SHISA9: variants seen among roughly 807,000 people sequenced by gnomAD.
SHISA9 encodes protein shisa-9.
A neutral mutation model predicts 38.0 loss-of-function variants in SHISA9; 13 were observed. The observed-to-expected ratio is 0.34, with a 90% CI of 0.22 to 0.54. The LOEUF (loss-of-function observed/expected upper bound fraction) is 0.54. Ranked by LOEUF, SHISA9 falls within the 20% of genes least tolerant of loss-of-function variation. SHISA9 has a pLI of 0.91. For missense variants in SHISA9, 538 were observed against 575.8 expected (o/e 0.93, Z 0.67); for synonymous variants, 275 against 242.0 (o/e 1.14, Z -1.27).
At chr16:13,447,726 T>A in the SHISA9 span, among the ~76,000 whole-genome samples, 1 of 152,212 alleles carries the variant, frequency 6.6e-6, no homozygotes, top group Non-Finnish European at 1.5e-5. Flanking sequence ...TCGGAGACCA[T>A]CAACTCGCCA....
chr16:13,348,471 T>A, the SHISA9 span, among the ~76,000 whole-genome samples: 1 of 151,970 alleles, frequency 6.6e-6, no homozygotes, highest in African/African-American at 2.4e-5. Flanking sequence ...GCCCTTAATG[T>A]ACGGGTGAGG....
At chr16:12,947,496 TG>T (rs1457222075) in intron 2 of SHISA9, among the ~76,000 whole-genome samples, 1 of 152,218 alleles carries the variant, frequency 6.6e-6, no homozygotes, top group African/African-American at 2.4e-5. Flanking sequence ...GCACACGCTT[TG>T]CCTTCATCAG....
rs556127014 is a variant in SHISA9 at position 13,179,086 on chromosome 16, C to T, written c.692-24308C>T. 1.6e-4 allele frequency among the ~76,000 whole-genome samples: 25 copies of T among 152,164 alleles called. No homozygotes were observed. In the East Asian group the frequency reaches 1.7e-3, roughly 11 times the overall value. On this transcript the variant is annotated intron_variant, in intron 2 of 4. Transcript: ENST00000558583. ...CTGTAATCCCAGCATTTTGGGAGGCCGACGTGGGCAGCTGATTTGAGGTCA... is the reference window on the plus strand; with the variant it reads ...CTGTAATCCCAGCATTTTGGGAGGCTGACGTGGGCAGCTGATTTGAGGTCA...
intron 2 of SHISA9, among the ~76,000 whole-genome samples, chr16:12,983,468 T>C (rs1010348786): frequency 6.6e-6 from 1 of 152,214 alleles, no homozygotes; most frequent in Non-Finnish European, 1.5e-5. Context: ...TTTTTTCTTA[T>C]GTGGAGTCAG....
At chr16:13,546,045 G>A in the SHISA9 span, among the ~76,000 whole-genome samples, 1 of 152,128 alleles carries the variant, frequency 6.6e-6, no homozygotes, top group African/African-American at 2.4e-5. Context: ...ATGTAGGAAG[G>A]GGGCCCAGAG....
chr16:13,420,038 T>G, the SHISA9 span, among the ~76,000 whole-genome samples: 112,530 of 151,822 alleles, frequency 0.74, 41,884 homozygotes, highest in Admixed American at 0.82. Context: ...CTGAAGTCAG[T>G]AGTTCAAGAC....
chr16:12,970,392 T>TATATATAC (rs1567357001), intron 2 of SHISA9, among the ~76,000 whole-genome samples: 83 of 9,608 alleles, frequency 8.6e-3, no homozygotes, highest in Non-Finnish European at 0.015. Flanking sequence ...CATATATGTA[T>TATATATAC]ATATATATAT....
the SHISA9 span, among the ~76,000 whole-genome samples, chr16:13,279,673 A>G: frequency 5.9e-5 from 9 of 151,962 alleles, no homozygotes; most frequent in African/African-American, 2.2e-4. Flanking sequence ...CAGGCAGTCG[A>G]TAGTATCATT....
the SHISA9 span, among the ~76,000 whole-genome samples, chr16:13,328,306 A>T: frequency 6.6e-6 from 1 of 152,144 alleles, no homozygotes; most frequent in Non-Finnish European, 1.5e-5. Flanking sequence ...TTCGCCCTGG[A>T]CAACACCAGT....
intron 2 of SHISA9, among the ~76,000 whole-genome samples, chr16:12,939,125 C>T (rs1234101876): frequency 1.3e-5 from 2 of 152,090 alleles, no homozygotes; most frequent in Non-Finnish European, 2.9e-5. Flanking sequence ...CCTCTGTCAC[C>T]CAGGCTGGAG....
chr16:13,086,985 C>T (rs1450667578), intron 2 of SHISA9, among the ~76,000 whole-genome samples: 1 of 147,662 alleles, frequency 6.8e-6, no homozygotes, highest in Non-Finnish European at 1.5e-5. Context: ...CCCAACAGGC[C>T]CCGGTGTGTG....
At chr16:13,546,011 G>A in the SHISA9 span, among the ~76,000 whole-genome samples, 3 of 152,124 alleles carry the variant, frequency 2.0e-5, no homozygotes, top group Admixed American at 2.0e-4. Context: ...CTTGCCTGTC[G>A]TGTGGATGGC....
chr16:13,101,992 G>A (rs1312092637), intron 2 of SHISA9, among the ~76,000 whole-genome samples: 1 of 152,216 alleles, frequency 6.6e-6, no homozygotes, highest in Non-Finnish European at 1.5e-5. Flanking sequence ...GGATGATTGG[G>A]TAATGCTGAG....
rs2071029044 is a variant in SHISA9, at chr16:12,902,324, C to A, written c.260C>A (p.Pro87Gln). 1 of 1,551,198 alleles carries A rather than the reference C, an allele frequency of 6.4e-7. No homozygotes were observed. The change falls in exon 1 of 5, where the codon CCG (proline) becomes CAG (glutamine). Residue 87 changes from proline (P) to glutamine (Q), a missense_variant. Physicochemically the swap from Pro to Gln is moderately conservative, Grantham distance 76 (BLOSUM62 -1). Coordinates refer to ENST00000558583, the MANE Select transcript of SHISA9 (RefSeq NM_001145204.3). ...YFDVMGQWDP[P>Q]FNCSSGDFIF... The stretch of plus-strand genomic sequence containing the variant: ...GATGTCATGGGCCAGTGGGACCCGC[C>A]GTTCAACTGCAGCTCGGGCGACTTC...
chr16:13,037,263 GGTGTAAGTGCCAAT>G (rs1410349172), intron 2 of SHISA9, among the ~76,000 whole-genome samples: 1 of 152,060 alleles, frequency 6.6e-6, no homozygotes, highest in Non-Finnish European at 1.5e-5. Context: ...CAGGCAAGCG[GGTGTAAGTGCCAAT>G]GTGTGGAAGA....
chr16:13,389,708 G>T, the SHISA9 span, among the ~76,000 whole-genome samples: 13 of 152,110 alleles, frequency 8.5e-5, no homozygotes, highest in Admixed American at 8.5e-4. Flanking sequence ...TCACAATGAT[G>T]TACTCCAAAG....
At chr16:13,030,863 A>G (rs1453964509) in intron 2 of SHISA9, among the ~76,000 whole-genome samples, 3 of 152,216 alleles carry the variant, frequency 2.0e-5, no homozygotes, top group African/African-American at 7.2e-5. Context: ...GGACCCCTTC[A>G]TGGCCAAAAC....
chr16:13,306,553 A>C, the SHISA9 span, among the ~76,000 whole-genome samples: 1 of 152,216 alleles, frequency 6.6e-6, no homozygotes, highest in African/African-American at 2.4e-5. Flanking sequence ...ATCTCTCTGA[A>C]GTTGCCATCA....
Position 12,977,913 on chromosome 16 carries a change from C to G in SHISA9, c.691+61098C>G, listed in dbSNP as rs572363131. Among the ~76,000 whole-genome samples the G allele has an allele frequency of 2.3e-3, 346 of 152,070 alleles. 2 individuals carry two copies. The highest frequency in any genetic ancestry group is 7.6e-3 in the African/African-American group (317 of 41,490). On this transcript the variant is annotated intron_variant, in intron 2 of 4. Transcript: ENST00000558583. ...ACGAGATGATTTGTACAGCAAACCACCATGACACACATTCACCTATGTAGC... is the reference window on the plus strand; with the variant it reads ...ACGAGATGATTTGTACAGCAAACCAGCATGACACACATTCACCTATGTAGC...
Sources: allele counts gnomAD v4.1 joint callset (sites outside exome capture counted in the v4.1 genomes callset), GRCh38; gene constraint gnomAD v4.1.1; transcripts MANE v1.5; gene names NCBI Gene and HGNC (gene_info 2026-07-23, HGNC 2026-07-21).